Variants in PKIA observed in about 807,000 individuals in gnomAD.
PKIA encodes the protein PKI-alpha.
In PKIA, 4 loss-of-function variants were observed where a neutral mutation model predicts 7.6. That is an observed-to-expected ratio of 0.52 (90% CI 0.26 to 1.20). The LOEUF (loss-of-function observed/expected upper bound fraction) is 1.20, where lower values mean the gene tolerates loss of function less well. Among genes scored for constraint, PKIA ranks in the 50% most tolerant of loss-of-function variants. The probability of loss-of-function intolerance (pLI) is 0.13; values close to 1 mark genes in which losing one functional copy is unlikely to be tolerated. For synonymous variants in PKIA, 21 were observed against 30.7 expected, an observed-to-expected ratio of 0.68 and a Z score of 1.04; for missense variants, 73 against 86.2, an observed-to-expected ratio of 0.85 and a Z score of 0.61.
chr8:78,537,108 T>G (rs780696672), intron 1 of PKIA, among the ~76,000 whole-genome samples: 9 of 151,956 alleles, frequency 5.9e-5, no homozygotes, highest in Non-Finnish European at 1.2e-4. Context: ...TATAGGCCAC[T>G]TCCTTTGATA....
intron 1 of PKIA, among the ~76,000 whole-genome samples, chr8:78,570,785 C>G (rs962805595): frequency 6.6e-6 from 1 of 152,094 alleles, no homozygotes; most frequent in African/African-American, 2.4e-5. Context: ...GCATTTCTTT[C>G]TGTTCTGTTC....
intron 2 of PKIA, among the ~76,000 whole-genome samples, chr8:78,585,072 A>G (rs1448856697): frequency 6.6e-6 from 1 of 152,006 alleles, no homozygotes; most frequent in Non-Finnish European, 1.5e-5. Flanking sequence ...CTCTTGGCCA[A>G]AATAAATACA....
chr8:78,591,927 G>T (rs760972912), intron 2 of PKIA, among the ~76,000 whole-genome samples: 31 of 152,120 alleles, frequency 2.0e-4, no homozygotes, highest in Non-Finnish European at 4.0e-4. Context: ...TCCGTCTGCT[G>T]CTGACATTTA....
chr8:78,523,604 C>G (rs745972858), intron 1 of PKIA, among the ~76,000 whole-genome samples: 3 of 151,792 alleles, frequency 2.0e-5, no homozygotes, highest in Non-Finnish European at 4.4e-5. Context: ...GCACAACTCT[C>G]CATGATCTTT....
At chr8:78,551,029 G>A (rs1158456401) in intron 1 of PKIA, among the ~76,000 whole-genome samples, 3 of 151,986 alleles carry the variant, frequency 2.0e-5, no homozygotes, top group Non-Finnish European at 2.9e-5. Flanking sequence ...AAGTTTATGA[G>A]GGCAAGAATC....
intron 2 of PKIA, among the ~76,000 whole-genome samples, chr8:78,590,651 T>C (rs1808072805): frequency 6.6e-6 from 1 of 152,056 alleles, no homozygotes. Context: ...TCACTATTTT[T>C]TTTTTTGCTT....
At chr8:78,537,848 T>C (rs1381985684) in intron 1 of PKIA, among the ~76,000 whole-genome samples, 1 of 152,092 alleles carries the variant, frequency 6.6e-6, no homozygotes, top group African/African-American at 2.4e-5. Context: ...CATACTTATC[T>C]ATTGACAGTT....
chr8:78,564,077 CTATT>C (rs559661717), intron 1 of PKIA, among the ~76,000 whole-genome samples: 3 of 151,564 alleles, frequency 2.0e-5, no homozygotes, highest in African/African-American at 7.3e-5. Context: ...TTACTGGCTT[CTATT>C]TTCTTAATGA....
intron 1 of PKIA, among the ~76,000 whole-genome samples, chr8:78,532,731 A>T (rs1226520711): frequency 6.6e-6 from 1 of 151,872 alleles, no homozygotes; most frequent in Non-Finnish European, 1.5e-5. Context: ...ACGTGGTGGT[A>T]TCCCTTCTCT....
At chr8:78,577,294 A>G (rs1807697117) in intron 2 of PKIA, among the ~76,000 whole-genome samples, 1 of 151,902 alleles carries the variant, frequency 6.6e-6, no homozygotes, top group African/African-American at 2.4e-5. Flanking sequence ...CTAAATGATG[A>G]GAATTCCTGA....
intron 1 of PKIA, among the ~76,000 whole-genome samples, chr8:78,520,754 GA>G (rs1809400299): frequency 1.3e-5 from 2 of 152,154 alleles, no homozygotes; most frequent in East Asian, 3.9e-4. Flanking sequence ...AGTACATACA[GA>G]AGCATACACA....
chr8:78,522,362 T>C (rs543669098), intron 1 of PKIA, among the ~76,000 whole-genome samples: 3 of 152,058 alleles, frequency 2.0e-5, no homozygotes, highest in South Asian at 2.1e-4. Flanking sequence ...CTTTTACTTT[T>C]GATCAAAGAA....
chr8:78,570,170 A>G (rs1807511732), intron 1 of PKIA, among the ~76,000 whole-genome samples: 1 of 152,182 alleles, frequency 6.6e-6, no homozygotes, highest in Admixed American at 6.6e-5. Flanking sequence ...ACATAAACGT[A>G]CAGATTTAAG....
chr8:78,596,954 C>T (rs554331491), intron 2 of PKIA, among the ~76,000 whole-genome samples: 3 of 152,252 alleles, frequency 2.0e-5, no homozygotes, highest in South Asian at 2.1e-4. Context: ...TTAGCCATTG[C>T]TTGTTTTTGT....
chr8:78,545,506 A>T (rs1183826595), intron 1 of PKIA, among the ~76,000 whole-genome samples: 1 of 152,214 alleles, frequency 6.6e-6, no homozygotes, highest in Non-Finnish European at 1.5e-5. Context: ...ATAAAGTGGC[A>T]TAACCTTAAG....
rs148462535 is a variant in PKIA at position 78,554,807 on chromosome 8, G to C, written c.-156-18004G>C. Among the ~76,000 whole-genome samples, 225 of 152,128 alleles carry C rather than the reference G, an allele frequency of 1.5e-3. 1 individual carries two copies. The highest frequency in any genetic ancestry group is 5.2e-3 in the African/African-American group (215 of 41,552). The stretch of plus-strand genomic sequence containing the variant: ...ATTTAGGAGACATTCTCAATAAATT[G>C]CACATCATATATTGCAGTAGTAAAT... On this transcript the variant is annotated intron_variant, in intron 1 of 3. Coordinates refer to ENST00000396418, the MANE Select transcript of PKIA (RefSeq NM_006823.4).
chr8:78,589,327 C>A (rs1334628263), intron 2 of PKIA, among the ~76,000 whole-genome samples: 1 of 152,004 alleles, frequency 6.6e-6, no homozygotes, highest in Non-Finnish European at 1.5e-5. Flanking sequence ...TAGGGGTAAA[C>A]CAGGAATGAG....
At chr8:78,561,385 C>T (rs778605409) in intron 1 of PKIA, among the ~76,000 whole-genome samples, 8 of 151,890 alleles carry the variant, frequency 5.3e-5, no homozygotes, top group Non-Finnish European at 1.2e-4. Flanking sequence ...AGAAAAAAGA[C>T]AGAAATGCTC....
chr8:78,555,843 T>A (rs970743315), intron 1 of PKIA, among the ~76,000 whole-genome samples: 3 of 152,036 alleles, frequency 2.0e-5, no homozygotes, highest in Non-Finnish European at 4.4e-5. Flanking sequence ...TCAAAATCAT[T>A]CTATTGCTAT....
Sources: allele counts gnomAD v4.1 joint callset (sites outside exome capture counted in the v4.1 genomes callset), GRCh38; gene constraint gnomAD v4.1.1; transcripts MANE v1.5; gene names NCBI Gene and HGNC (gene_info 2026-07-23, HGNC 2026-07-21).